Variants in GULP1 observed in about 807,000 individuals in gnomAD.
GULP1 encodes GULP PTB domain containing engulfment adaptor 1, also known as PTB domain-containing engulfment adapter protein 1.
Under a neutral mutation model 40.9 loss-of-function variants are expected in GULP1, and 19 were observed. That is an observed-to-expected ratio of 0.46 (90% CI 0.32 to 0.68). The LOEUF is 0.68. Among genes scored for constraint, GULP1 ranks in the 30% least tolerant of loss-of-function variants. The pLI, the probability that GULP1 is intolerant of heterozygous loss-of-function variation, is 0.03. For synonymous variants in GULP1, 119 were observed against 117.6 expected (o/e 1.01, Z -0.08); for missense variants, 312 against 362.2 (o/e 0.86, Z 1.12).
intron 2 of GULP1, among the ~76,000 whole-genome samples, chr2:188,464,544 A>T (rs2059961923): frequency 6.6e-6 from 1 of 152,136 alleles, no homozygotes; most frequent in Admixed American, 6.5e-5. Flanking sequence ...CTGAGGCTCT[A>T]CAATCAGCAG....
chr2:188,301,143 T>C (rs1301006370), intron 1 of GULP1, among the ~76,000 whole-genome samples: 1 of 152,182 alleles, frequency 6.6e-6, no homozygotes, highest in Non-Finnish European at 1.5e-5. Context: ...GCCTCCCAAG[T>C]AGCTGAAACT....
At chr2:188,317,972 T>C (rs964251085) in intron 1 of GULP1, among the ~76,000 whole-genome samples, 1 of 152,140 alleles carries the variant, frequency 6.6e-6, no homozygotes, top group Non-Finnish European at 1.5e-5. Context: ...AACTAATCTT[T>C]AGTGTCAGCC....
chr2:188,539,669 G>T (rs1415326910), intron 6 of GULP1, among the ~76,000 whole-genome samples: 1 of 152,030 alleles, frequency 6.6e-6, no homozygotes, highest in Non-Finnish European at 1.5e-5. Context: ...GCAACTCTTC[G>T]ATGGCTTACC....
At chr2:188,536,442 G>T (rs1688947545) in intron 6 of GULP1, among the ~76,000 whole-genome samples, 1 of 152,026 alleles carries the variant, frequency 6.6e-6, no homozygotes, top group South Asian at 2.1e-4. Flanking sequence ...ATTGAATAGG[G>T]AGTCCTTTCC....
At chr2:188,508,046 A>G (rs988234779) in intron 4 of GULP1, among the ~76,000 whole-genome samples, 2 of 152,028 alleles carry the variant, frequency 1.3e-5, no homozygotes, top group African/African-American at 2.4e-5. Context: ...CAATAAAATC[A>G]TAAAGGTCTA....
At chr2:188,501,922 A>C (rs1261327617) in intron 4 of GULP1, among the ~76,000 whole-genome samples, 1 of 151,980 alleles carries the variant, frequency 6.6e-6, no homozygotes, top group South Asian at 2.1e-4. Context: ...CTCCTCTCCC[A>C]GTCTGATTTT....
At chr2:188,399,705 A>AAAC (rs1553540267) in intron 2 of GULP1, among the ~76,000 whole-genome samples, 4 of 149,962 alleles carry the variant, frequency 2.7e-5, no homozygotes, top group African/African-American at 7.4e-5. Flanking sequence ...AAAAAAAAAA[A>AAAC]AAAAAAAAAC....
chr2:188,585,494 G>A (rs930835684), intron 10 of GULP1, among the ~76,000 whole-genome samples: 16 of 152,270 alleles, frequency 1.1e-4, no homozygotes, highest in South Asian at 2.1e-4. Context: ...TACATCCTCC[G>A]AAATCTAGGC....
intron 7 of GULP1, among the ~76,000 whole-genome samples, chr2:188,550,131 CAG>C (rs1413607732): frequency 1.3e-5 from 2 of 151,680 alleles, no homozygotes; most frequent in Non-Finnish European, 3.0e-5. Context: ...TTATTTCTCA[CAG>C]CTGAGTGTAA....
intron 3 of GULP1, among the ~76,000 whole-genome samples, chr2:188,480,288 C>T (rs2061345971): frequency 6.6e-6 from 1 of 151,964 alleles, no homozygotes; most frequent in South Asian, 2.1e-4. Context: ...TCAACATACC[C>T]TGTGTACAGT....
chr2:188,511,148 GA>G (rs2064495098), intron 4 of GULP1, among the ~76,000 whole-genome samples: 1 of 152,136 alleles, frequency 6.6e-6, no homozygotes, highest in South Asian at 2.1e-4. Context: ...TCAGTATTCG[GA>G]AACTCATTTT....
intron 2 of GULP1, among the ~76,000 whole-genome samples, chr2:188,437,696 T>C (rs2057537118): frequency 6.6e-6 from 1 of 152,040 alleles, no homozygotes; most frequent in African/African-American, 2.4e-5. Context: ...CAGTGACAGA[T>C]TGTATAAGGA....
rs10203918 is a variant in GULP1, at chr2:188,341,467, A to T, written c.-171-42296A>T. Among the ~76,000 whole-genome samples the T allele has an allele frequency of 2.4e-3, 364 of 152,172 alleles. 2 individuals are homozygous for T. The highest frequency in any genetic ancestry group is 8.4e-3 in the African/African-American group (348 of 41,542). On this transcript the variant is annotated intron_variant, in intron 1 of 11. Transcript: ENST00000409830. ...GATTATAATTCAACATGAGATTGAG[A>T]TGGGACAGTTATCATCATAAAGGAT...
At chr2:188,469,185 C>G (rs1031675316) in intron 2 of GULP1, among the ~76,000 whole-genome samples, 1 of 152,096 alleles carries the variant, frequency 6.6e-6, no homozygotes, top group African/African-American at 2.4e-5. Flanking sequence ...GTCAGTGGCC[C>G]AAACAGTTCA....
At chr2:188,471,254 G>T (rs1381329500) in intron 2 of GULP1, among the ~76,000 whole-genome samples, 1 of 152,030 alleles carries the variant, frequency 6.6e-6, no homozygotes, top group Non-Finnish European at 1.5e-5. Context: ...TAGGTGAAGT[G>T]TGTTTCTTAT....
intron 8 of GULP1, chr2:188,569,760 G>C (rs143181142): frequency 0.011 from 3,963 of 361,244 alleles, 37 homozygotes; most frequent in Admixed American, 0.036. Context: ...AAGATTATGG[G>C]TATAGATTGC....
chr2:188,568,572 A>C (rs1304340014), intron 7 of GULP1, among the ~76,000 whole-genome samples: 1 of 152,222 alleles, frequency 6.6e-6, no homozygotes, highest in Non-Finnish European at 1.5e-5. Context: ...TTTTACCAAA[A>C]TACAAACTGT....
At chr2:188,304,153 G>T (rs780118825) in intron 1 of GULP1, among the ~76,000 whole-genome samples, 30 of 152,124 alleles carry the variant, frequency 2.0e-4, no homozygotes, top group Non-Finnish European at 3.7e-4. Context: ...GCTCACAGCA[G>T]ATATAAAATG....
At chr2:188,549,874 A>G (rs1244290418) in intron 7 of GULP1, among the ~76,000 whole-genome samples, 1 of 151,740 alleles carries the variant, frequency 6.6e-6, no homozygotes, top group Non-Finnish European at 1.5e-5. Flanking sequence ...CATTTCTATA[A>G]CATTCTTAAA....
Sources: gnomAD v4.1 joint callset for allele counts (sites outside exome capture counted in the v4.1 genomes callset) on GRCh38, gnomAD v4.1.1 for gene constraint, MANE v1.5 for transcripts, NCBI Gene and HGNC (gene_info 2026-07-23, HGNC 2026-07-21) for gene names.